Variants in CDK7 observed in about 807,000 individuals in gnomAD.
The protein encoded by CDK7 is cyclin-dependent kinase 7.
Under a neutral mutation model 49.1 loss-of-function variants are expected in CDK7, and 25 were observed. The observed-to-expected ratio is 0.51, with a 90% confidence interval of 0.37 to 0.71. The LOEUF (loss-of-function observed/expected upper bound fraction) is 0.71, where lower values mean the gene tolerates loss of function less well. CDK7 is among the 30% of genes least tolerant of loss of function. The probability of loss-of-function intolerance (pLI) is 0.00; values close to 1 mark genes in which losing one functional copy is unlikely to be tolerated. For synonymous variants in CDK7, 107 were observed against 140.0 expected, an observed-to-expected ratio of 0.76 and a Z score of 1.67; for missense variants, 316 against 411.7, an observed-to-expected ratio of 0.77 and a Z score of 2.01.
At position 69,252,438 on chromosome 5, in the gene CDK7, A is replaced by C; in HGVS notation, c.147A>C (p.Ser49=). 6.4e-7 allele frequency: 1 copy of C among 1,552,970 alleles called. No individual in the cohort carries two copies. Among genetic ancestry groups the C allele is most frequent in the Non-Finnish European group, 8.7e-7 (1 of 1,146,400 alleles). Residue 49 remains serine, a synonymous_variant, in exon 3 of 12, where the codon TCA becomes TCC. Coordinates refer to ENST00000256443, the MANE Select transcript of CDK7 (RefSeq NM_001799.4). ...AIKKIKLGHR[S]EAKDGINRTA... The stretch of plus-strand genomic sequence containing the variant: ...ACCAGATCAAACTTGGACATAGATC[A>C]GAAGCTAAAGATGGTAAGTATTTCA...
chr5:69,264,383 A>C (rs995449657), intron 8 of CDK7, among the ~76,000 whole-genome samples: 3 of 152,198 alleles, frequency 2.0e-5, no homozygotes, highest in African/African-American at 4.8e-5. Context: ...AACTAAAATC[A>C]AAAGATGAAG....
chr5:69,276,690 G>GGT lies in CDK7; in HGVS notation c.1012+1_1012+2dup. ...GAAAAGAACAGAGGCCTTAGAACAAGGTAAGATTCCCACTTTTAAAAGAAA... is the reference window on the plus strand; with the variant it reads ...GAAAAGAACAGAGGCCTTAGAACAAGGTGTAAGATTCCCACTTTTAAAAGAAA... On this transcript the variant is annotated frameshift_variant and splice_region_variant. Transcript: ENST00000256443. LOFTEE classifies it high-confidence loss of function. 1 of 1,609,190 alleles carries GGT rather than the reference G, an allele frequency of 6.2e-7. No homozygotes were observed. The highest frequency in any genetic ancestry group is 8.5e-7 in the Non-Finnish European group (1 of 1,178,648).
At chr5:69,235,124 C>A in intron 1 of CDK7, 83 bp downstream of exon 1, 1 of 1,344,288 alleles carries the variant, frequency 7.4e-7, no homozygotes, top group Non-Finnish European at 1.0e-6. Flanking sequence ...CCCGTGGAGG[C>A]CAGAGGTCTG....
chr5:69,266,439 AT>A (rs1231865820), intron 8 of CDK7, among the ~76,000 whole-genome samples: 2 of 151,932 alleles, frequency 1.3e-5, no homozygotes, highest in African/African-American at 4.8e-5. Context: ...AAATACAAAA[AT>A]TAGCTGGGCA....
intron 10 of CDK7, among the ~76,000 whole-genome samples, chr5:69,273,821 T>C (rs1251654556): frequency 6.6e-6 from 1 of 152,196 alleles, no homozygotes; most frequent in Non-Finnish European, 1.5e-5. Flanking sequence ...AATCATTGTT[T>C]AATGCACTTG....
chr5:69,240,745 A>G (rs1743789390), intron 2 of CDK7, among the ~76,000 whole-genome samples: 2 of 152,138 alleles, frequency 1.3e-5, no homozygotes, highest in Admixed American at 1.3e-4. Context: ...CTCCTGCCTC[A>G]GCCTCCCGAG....
At chr5:69,239,593 A>G (rs2150182066) in intron 2 of CDK7, among the ~76,000 whole-genome samples, 2 of 152,244 alleles carry the variant, frequency 1.3e-5, no homozygotes, top group Admixed American at 1.3e-4. Context: ...TATTCTGGAT[A>G]TTGATCCTTT....
At chr5:69,268,643 G>A (rs1283380883) in intron 8 of CDK7, among the ~76,000 whole-genome samples, 1 of 144,964 alleles carries the variant, frequency 6.9e-6, no homozygotes, top group African/African-American at 2.6e-5. Flanking sequence ...ACAATGTCAG[G>A]AGATCGAGAC....
Position 69,235,433 on chromosome 5 carries a change from C to T in CDK7, c.106C>T (p.Gln36Ter). Residue 36 changes from glutamine (Q) to a stop codon, truncating the protein, a stop_gained, in exon 2 of 12, where the codon CAA becomes TAA. Transcript: ENST00000256443. LOFTEE classifies it high-confidence loss of function. ...CAAGGCCAGAGATAAGAACACCAAC[C>T]AAATTGTCGCCATTAAGAAAGTGAG... ...VYKARDKNTN[Q>*]IVAIKKIKLG... 1.2e-6 allele frequency: 2 copies of T among 1,602,646 alleles called. No homozygotes were observed. The highest frequency in any genetic ancestry group is 1.7e-6 in the Non-Finnish European group (2 of 1,169,874).
intron 2 of CDK7, among the ~76,000 whole-genome samples, chr5:69,236,859 C>T (rs1406217950): frequency 2.0e-5 from 3 of 151,168 alleles, no homozygotes; most frequent in Non-Finnish European, 2.9e-5. Context: ...GCCATGTCGG[C>T]CAGGCTGGTC....
At chr5:69,234,883 G>C (rs1748835545), upstream of CDK7, 1 of 1,246,320 alleles carries the variant, frequency 8.0e-7, no homozygotes, top group Non-Finnish European at 1.1e-6. Flanking sequence ...CCCGGTGGAC[G>C]GAAGTGGGTG....
At chr5:69,272,508 A>G (rs914318805) in intron 9 of CDK7, among the ~76,000 whole-genome samples, 2 of 152,178 alleles carry the variant, frequency 1.3e-5, no homozygotes, top group Non-Finnish European at 2.9e-5. Context: ...GAATATTCCA[A>G]TATGTGAACA....
intron 2 of CDK7, among the ~76,000 whole-genome samples, chr5:69,242,456 G>GCAAGGTC (rs1749457617): frequency 6.6e-6 from 1 of 152,076 alleles, no homozygotes; most frequent in South Asian, 2.1e-4. Flanking sequence ...CCATCAAAAT[G>GCAAGGTC]CAAGGTCTGA....
At chr5:69,243,125 A>G (rs991367201) in intron 2 of CDK7, among the ~76,000 whole-genome samples, 4 of 152,244 alleles carry the variant, frequency 2.6e-5, no homozygotes, top group Admixed American at 2.6e-4. Flanking sequence ...TTTCAAAAAT[A>G]TGCCTTTTTG....
chr5:69,235,205 G>T, intron 1 of CDK7, 164 bp downstream of exon 1: 2 of 768,114 alleles, frequency 2.6e-6, no homozygotes, highest in East Asian at 2.7e-5. Context: ...CATCCTGGGG[G>T]TGAATCCCTG....
intron 3 of CDK7, 38 bp from the exon 4 acceptor site, chr5:69,254,564 T>G: frequency 1.0e-6 from 1 of 959,706 alleles, no homozygotes; most frequent in Non-Finnish European, 1.7e-6. Flanking sequence ...GTTTGAGATT[T>G]CAGAATTATT....
chr5:69,268,952 G>A (rs1306374849), intron 8 of CDK7, among the ~76,000 whole-genome samples: 2 of 150,402 alleles, frequency 1.3e-5, no homozygotes, highest in East Asian at 4.0e-4. Flanking sequence ...AGACCAGCCT[G>A]GCCAACATGG....
At position 69,264,548 on chromosome 5, in the gene CDK7, A is replaced by G. The variant is rs531452405; in HGVS notation, c.627+2244A>G. Among the ~76,000 whole-genome samples the G allele has an allele frequency of 3.3e-5, 5 of 152,298 alleles. No individual in the cohort carries two copies. The South Asian group carries it at 8.3e-4, about 25-fold the overall frequency. On this transcript the variant is annotated intron_variant, in intron 8 of 11. Transcript: ENST00000256443. Reference sequence around the variant, plus strand: ...ATAGATGGACTATAGTAGAGAAAAGATAAAATTAACAGATTGATCCAGGAT... The same window carrying G: ...ATAGATGGACTATAGTAGAGAAAAGGTAAAATTAACAGATTGATCCAGGAT...
At chr5:69,246,489 G>A (rs1749765045) in intron 2 of CDK7, among the ~76,000 whole-genome samples, 2 of 152,118 alleles carry the variant, frequency 1.3e-5, no homozygotes, top group Non-Finnish European at 2.9e-5. Context: ...GTGCACTTGG[G>A]AGAGATCCAA....
Sources: gnomAD v4.1 joint callset for allele counts (sites outside exome capture counted in the v4.1 genomes callset) on GRCh38, gnomAD v4.1.1 for gene constraint, MANE v1.5 for transcripts, NCBI Gene and HGNC (gene_info 2026-07-23, HGNC 2026-07-21) for gene names.